The following TAFA5 variants were observed in gnomAD, a reference collection of about 807,000 sequenced individuals.
TAFA5 encodes the protein chemokine-like protein TAFA-5.
TAFA5 carries 6 observed loss-of-function variants against 15.3 expected under a neutral mutation model. The ratio of observed to expected loss-of-function variants is 0.39; its 90% CI spans 0.21 to 0.77. The LOEUF is 0.77. Among genes scored for constraint, TAFA5 ranks in the 30% least tolerant of loss-of-function variants. The pLI is 0.41. For missense variants in TAFA5, 161 were observed against 193.1 expected (o/e 0.83, Z 0.98); for synonymous variants, 103 against 80.7 (o/e 1.28, Z -1.48).
intron 2 of TAFA5, among the ~76,000 whole-genome samples, chr22:48,657,228 AG>A (rs2147211169): frequency 6.6e-6 from 1 of 152,354 alleles, no homozygotes; most frequent in African/African-American, 2.4e-5. Flanking sequence ...TGAAATAAAA[AG>A]GTTAAAGGGA....
At chr22:48,733,145 C>G (rs1929915057) in intron 3 of TAFA5, among the ~76,000 whole-genome samples, 1 of 152,182 alleles carries the variant, frequency 6.6e-6, no homozygotes, top group Non-Finnish European at 1.5e-5. Context: ...ATTTCAAAAT[C>G]AGGTAGAATG....
chr22:48,707,970 C>A, intron 3 of TAFA5, 126 bp downstream of exon 3: 1 of 1,290,820 alleles, frequency 7.7e-7, no homozygotes, highest in Non-Finnish European at 1.1e-6. Flanking sequence ...GCAGAGAGGC[C>A]AGGGCCCTGT....
chr22:48,547,763 C>T (rs143830959), intron 1 of TAFA5, among the ~76,000 whole-genome samples: 7 of 152,312 alleles, frequency 4.6e-5, no homozygotes, highest in East Asian at 1.9e-4. Context: ...CTCAGACCTG[C>T]GGAGTCCGAG....
chr22:48,686,175 C>T (rs905212013), intron 2 of TAFA5, among the ~76,000 whole-genome samples: 3 of 152,190 alleles, frequency 2.0e-5, no homozygotes, highest in African/African-American at 4.8e-5. Context: ...GGCAGTATGG[C>T]GTCTGAGGCC....
chr22:48,521,719 G>A (rs913048485), intron 1 of TAFA5, among the ~76,000 whole-genome samples: 3 of 152,198 alleles, frequency 2.0e-5, no homozygotes, highest in African/African-American at 2.4e-5. Context: ...TAAATACGGC[G>A]AGAAGTTTCC....
At chr22:48,539,320 G>A (rs144158923) in intron 1 of TAFA5, 18 of 466,958 alleles carry the variant, frequency 3.9e-5, no homozygotes, top group Non-Finnish European at 7.1e-5. Flanking sequence ...CCAGATAATC[G>A]GAGGCAAAGC....
chr22:48,562,847 A>G (rs1321654947), intron 1 of TAFA5, among the ~76,000 whole-genome samples: 2 of 152,016 alleles, frequency 1.3e-5, no homozygotes, highest in Admixed American at 1.3e-4. Context: ...AACTTTGGAA[A>G]ACTCCCCCAA....
chr22:48,729,781 T>C (rs905520300), intron 3 of TAFA5, among the ~76,000 whole-genome samples: 2 of 148,052 alleles, frequency 1.4e-5, no homozygotes, highest in Non-Finnish European at 3.0e-5. Flanking sequence ...AATATAAATA[T>C]ATAAATATAT....
intron 1 of TAFA5, among the ~76,000 whole-genome samples, chr22:48,518,223 G>A (rs559988040): frequency 1.6e-4 from 25 of 152,350 alleles, no homozygotes; most frequent in African/African-American, 6.0e-4. Flanking sequence ...GGATCTGGGT[G>A]TCTGGACCTG....
intron 1 of TAFA5, among the ~76,000 whole-genome samples, chr22:48,501,682 C>A (rs1920952888): frequency 6.6e-6 from 1 of 152,208 alleles, no homozygotes; most frequent in Non-Finnish European, 1.5e-5. Context: ...GGAACTGGGA[C>A]TGAGACACAG....
rs541203927 is a variant in TAFA5 at position 48,679,829 on chromosome 22, G to A, written c.263-27888G>A. ...CTGAAGATGTGTTGTTCCATGAAGCGCCGCCCTCACCGTGTGGACCGGCCC... is the reference window on the plus strand; with the variant it reads ...CTGAAGATGTGTTGTTCCATGAAGCACCGCCCTCACCGTGTGGACCGGCCC... On this transcript the variant is annotated intron_variant, in intron 2 of 3. Coordinates refer to ENST00000402357, the MANE Select transcript of TAFA5 (RefSeq NM_001082967.3). Among the ~76,000 whole-genome samples, 31 of 152,140 alleles carry A rather than the reference G, an allele frequency of 2.0e-4. No individual in the cohort carries two copies. The South Asian group carries it at 5.2e-3, about 26-fold the overall frequency.
chr22:48,580,271 G>C (rs976194892), intron 1 of TAFA5, among the ~76,000 whole-genome samples: 18 of 152,188 alleles, frequency 1.2e-4, no homozygotes, highest in African/African-American at 4.1e-4. Context: ...CTCCGTGAAG[G>C]CAATTGATGG....
intron 2 of TAFA5, among the ~76,000 whole-genome samples, chr22:48,680,145 G>A (rs1601666470): frequency 6.6e-6 from 1 of 152,244 alleles, no homozygotes; most frequent in Non-Finnish European, 1.5e-5. Flanking sequence ...GTGCAAGGAG[G>A]ATATCATGTC....
At chr22:48,704,877 C>T (rs1929031496) in intron 2 of TAFA5, among the ~76,000 whole-genome samples, 1 of 152,102 alleles carries the variant, frequency 6.6e-6, no homozygotes, top group Non-Finnish European at 1.5e-5. Flanking sequence ...GATCATGGTG[C>T]TGATAGGTTT....
chr22:48,604,572 C>A (rs1211137097), intron 1 of TAFA5, among the ~76,000 whole-genome samples: 2 of 152,238 alleles, frequency 1.3e-5, no homozygotes, highest in African/African-American at 4.8e-5. Flanking sequence ...TGGCTCTGAT[C>A]CCTCCACTCA....
Position 48,566,063 on chromosome 22 carries a change from T to TGGAC in TAFA5, c.112+76362_112+76363insCGGA, listed in dbSNP as rs1923397340. On this transcript the variant is annotated intron_variant, in intron 1 of 3. Transcript: ENST00000402357. This position sits in a 1 kb window ranked among gnomAD's most constrained non-coding sequence, Gnocchi z 4.5. Reference sequence around the variant, plus strand: ...TGATGAGCTGATGATGGATGGATGATGGATGGATGGATGGATGATGGATGA... The same window carrying TGGAC: ...TGATGAGCTGATGATGGATGGATGATGGACGGATGGATGGATGGATGATGGATGA... Among the ~76,000 whole-genome samples, 3 of 151,362 alleles carry TGGAC rather than the reference T, an allele frequency of 2.0e-5. No individual in the cohort carries two copies. The highest frequency in any genetic ancestry group is 2.9e-5 in the Non-Finnish European group (2 of 67,868).
intron 1 of TAFA5, among the ~76,000 whole-genome samples, chr22:48,546,260 G>T (rs1200111533): frequency 6.6e-6 from 1 of 152,244 alleles, no homozygotes; most frequent in Non-Finnish European, 1.5e-5. Context: ...ATTCCCAGCA[G>T]CTGAGGCTCC....
Position 48,620,093 on chromosome 22 carries a change from C to T in TAFA5, c.113-26504C>T, listed in dbSNP as rs747104240. ...AGGATGGCGGCGTCGAGGAAGGACC[C>T]GGGGCCCTGCTTCTCCCACCGTCCC... On this transcript the variant is annotated intron_variant, in intron 1 of 3. Transcript: ENST00000402357. Among the ~76,000 whole-genome samples, 79 of 152,246 alleles carry T rather than the reference C, an allele frequency of 5.2e-4. 1 individual carries two copies. Among genetic ancestry groups the T allele is most frequent in the East Asian group, 5.8e-4 (3 of 5,190 alleles).
At chr22:48,749,292 G>A (rs934120353) in intron 3 of TAFA5, among the ~76,000 whole-genome samples, 1 of 152,206 alleles carries the variant, frequency 6.6e-6, no homozygotes, top group Non-Finnish European at 1.5e-5. Flanking sequence ...CCATCCCCCA[G>A]TATGTGGTCA....
Sources: allele counts gnomAD v4.1 joint callset (sites outside exome capture counted in the v4.1 genomes callset), GRCh38; gene constraint gnomAD v4.1.1; non-coding constraint Gnocchi (gnomAD v3.1); transcripts MANE v1.5; gene names NCBI Gene and HGNC (gene_info 2026-07-23, HGNC 2026-07-21).